SIPA1L2: variants seen among roughly 807,000 people sequenced by gnomAD.
SIPA1L2 encodes signal-induced proliferation-associated 1-like protein 2.
A neutral mutation model predicts 163.9 loss-of-function variants in SIPA1L2; 56 were observed. That is an observed-to-expected ratio of 0.34 (90% CI 0.28 to 0.43). SIPA1L2 has a LOEUF of 0.43. Among genes scored for constraint, SIPA1L2 ranks in the 20% least tolerant of loss-of-function variants. The pLI is 1.00. For synonymous variants in SIPA1L2, 877 were observed against 865.7 expected, an observed-to-expected ratio of 1.01 and a Z score of -0.23; for missense variants, 1,974 against 2,193.5, an observed-to-expected ratio of 0.90 and a Z score of 2.00.
At chr1:232,501,716 T>TA (rs1343957636) in intron 3 of SIPA1L2, among the ~76,000 whole-genome samples, 1 of 152,188 alleles carries the variant, frequency 6.6e-6, no homozygotes, top group Admixed American at 6.5e-5. Context: ...TCTGGCCTTT[T>TA]ATAAAGCATG....
At chr1:232,539,288 G>A (rs566497148) in intron 2 of SIPA1L2, among the ~76,000 whole-genome samples, 6 of 152,302 alleles carry the variant, frequency 3.9e-5, no homozygotes, top group South Asian at 4.1e-4. Flanking sequence ...TGAGAGGTGC[G>A]AAACAATCTG....
chr1:232,534,852 C>T (rs1657206787), intron 2 of SIPA1L2, among the ~76,000 whole-genome samples: 1 of 152,170 alleles, frequency 6.6e-6, no homozygotes, highest in Non-Finnish European at 1.5e-5. Flanking sequence ...GACACAGATC[C>T]CAGTTCTTCA....
At chr1:232,536,322 T>C (rs1308927931) in intron 2 of SIPA1L2, among the ~76,000 whole-genome samples, 6 of 152,202 alleles carry the variant, frequency 3.9e-5, no homozygotes, top group Non-Finnish European at 7.3e-5. Context: ...CTGGTGTATG[T>C]AGATGGTTTT....
intron 1 of SIPA1L2, among the ~76,000 whole-genome samples, chr1:232,624,517 A>C (rs2102895082): frequency 6.6e-6 from 1 of 152,346 alleles, no homozygotes; most frequent in African/African-American, 2.4e-5. Context: ...ACAATAGTTC[A>C]TCTCAGCAGA....
At position 232,478,532 on chromosome 1, in the gene SIPA1L2, G is replaced by T. The variant is rs189506047; in HGVS notation, c.2085+1095C>A. On this transcript the variant is annotated intron_variant, in intron 7 of 22. Coordinates refer to ENST00000674635, the MANE Select transcript of SIPA1L2 (RefSeq NM_020808.5). ...TACTTTTATGAGTCTTTTTTAAAAAGGAAAAATTCTCTGTGACAATTAAAT... is the reference window on the plus strand; with the variant it reads ...TACTTTTATGAGTCTTTTTTAAAAATGAAAAATTCTCTGTGACAATTAAAT... Among the ~76,000 whole-genome samples, 648 of 152,082 alleles carry T rather than the reference G, an allele frequency of 4.3e-3. 7 individuals carry two copies. Among genetic ancestry groups the T allele is most frequent in the African/African-American group, 0.015 (623 of 41,484 alleles).
chr1:232,580,063 T>C (rs1009758646), intron 1 of SIPA1L2, among the ~76,000 whole-genome samples: 8 of 152,176 alleles, frequency 5.3e-5, no homozygotes, highest in African/African-American at 1.9e-4. Flanking sequence ...CTCAACTGAG[T>C]ATACTTATAG....
intron 1 of SIPA1L2, among the ~76,000 whole-genome samples, chr1:232,616,665 G>T (rs761416480): frequency 2.0e-5 from 3 of 152,220 alleles, no homozygotes; most frequent in Non-Finnish European, 2.9e-5. Context: ...CTTTTCCACT[G>T]CCAGAGCATT....
intron 10 of SIPA1L2, among the ~76,000 whole-genome samples, chr1:232,448,237 T>C (rs1480558708): frequency 1.3e-5 from 2 of 152,222 alleles, no homozygotes; most frequent in Admixed American, 1.3e-4. Context: ...AAAGTCAGCC[T>C]GCGAAGCTAA....
intron 2 of SIPA1L2, among the ~76,000 whole-genome samples, chr1:232,520,565 A>C (rs781716311): frequency 7.2e-5 from 11 of 152,228 alleles, no homozygotes; most frequent in Non-Finnish European, 1.5e-4. Flanking sequence ...ACTTATCAGG[A>C]ATGCAGCTGT....
chr1:232,428,604 A>G (rs965976428), intron 16 of SIPA1L2, 40 bp from the exon 17 acceptor site: 1 of 1,452,576 alleles, frequency 6.9e-7, no homozygotes, highest in African/African-American at 1.4e-5. Flanking sequence ...GCCTATTTGT[A>G]AAGTGCCTGT....
chr1:232,625,123 T>C (rs1046250292), intron 1 of SIPA1L2, among the ~76,000 whole-genome samples: 2 of 152,040 alleles, frequency 1.3e-5, no homozygotes, highest in Non-Finnish European at 2.9e-5. Flanking sequence ...CAAAGGAGGT[T>C]TGACACACTC....
At chr1:232,446,977 A>T (rs1053219303) in intron 10 of SIPA1L2, among the ~76,000 whole-genome samples, 2 of 152,234 alleles carry the variant, frequency 1.3e-5, no homozygotes, top group Non-Finnish European at 2.9e-5. Flanking sequence ...TTAAGTGTTT[A>T]GAATAACTTG....
intron 2 of SIPA1L2, among the ~76,000 whole-genome samples, chr1:232,545,218 T>C (rs1420292404): frequency 6.6e-6 from 1 of 152,252 alleles, no homozygotes; most frequent in Non-Finnish European, 1.5e-5. Flanking sequence ...CAAGGTTCCC[T>C]GTAGCATAGC....
chr1:232,459,250 G>A (rs1025623900), intron 10 of SIPA1L2, among the ~76,000 whole-genome samples: 1 of 152,156 alleles, frequency 6.6e-6, no homozygotes, highest in Non-Finnish European at 1.5e-5. Context: ...GGAAAAATTC[G>A]TTTCCTAAGT....
Position 232,399,303 on chromosome 1 carries a change from G to A in SIPA1L2, c.5023-30C>T. The A allele has an allele frequency of 2.5e-6, 4 of 1,606,282 alleles. No individual in the cohort carries two copies. In the South Asian group the frequency reaches 4.4e-5, roughly 18 times the overall value. ...TCAGAGCAGAAATAAACTGAGTCAT[G>A]GAGACTGATCGATACATTCATTCCT... On this transcript the variant is annotated intron_variant, in intron 22 of 22. Coordinates refer to ENST00000674635, the MANE Select transcript of SIPA1L2 (RefSeq NM_020808.5).
chr1:232,420,634 G>C (rs1198113437), intron 18 of SIPA1L2, among the ~76,000 whole-genome samples: 1 of 152,138 alleles, frequency 6.6e-6, no homozygotes, highest in African/African-American at 2.4e-5. Context: ...AGGAGATGGA[G>C]ACCATCCTGG....
At chr1:232,463,613 G>C (rs1664353487) in intron 9 of SIPA1L2, among the ~76,000 whole-genome samples, 1 of 152,184 alleles carries the variant, frequency 6.6e-6, no homozygotes. Flanking sequence ...GTACATTTTT[G>C]TGGTTGGTGA....
At chr1:232,482,373 G>A (rs1572964238) in intron 6 of SIPA1L2, among the ~76,000 whole-genome samples, 1 of 151,980 alleles carries the variant, frequency 6.6e-6, no homozygotes, top group Admixed American at 6.6e-5. Context: ...TTTTCCTGGA[G>A]GGACATCCTT....
chr1:232,456,112 A>G (rs144127184), intron 10 of SIPA1L2, among the ~76,000 whole-genome samples: 1 of 152,190 alleles, frequency 6.6e-6, no homozygotes, highest in East Asian at 1.9e-4. Flanking sequence ...AGCTGGGAAG[A>G]AAAAAAAGTC....
Sources: gnomAD v4.1 joint callset for allele counts (sites outside exome capture counted in the v4.1 genomes callset) on GRCh38, gnomAD v4.1.1 for gene constraint, MANE v1.5 for transcripts, NCBI Gene and HGNC (gene_info 2026-07-23, HGNC 2026-07-21) for gene names.